Variants in STX8 observed in about 807,000 individuals in gnomAD.
The protein encoded by STX8 is syntaxin 8, also known as syntaxin-8.
A neutral mutation model predicts 37.5 loss-of-function variants in STX8; 23 were observed. The ratio of observed to expected loss-of-function variants is 0.61; its 90% CI spans 0.44 to 0.87. The LOEUF is 0.87. Among genes scored for constraint, STX8 ranks in the 40% least tolerant of loss-of-function variants. The probability of loss-of-function intolerance (pLI) is 0.00; values close to 1 mark genes in which losing one functional copy is unlikely to be tolerated. For missense variants in STX8, 313 were observed against 284.7 expected (o/e 1.10, Z -0.71); for synonymous variants, 115 against 99.1 (o/e 1.16, Z -0.95).
chr17:9,419,551 A>T (rs1436637164), intron 6 of STX8, among the ~76,000 whole-genome samples: 1 of 152,208 alleles, frequency 6.6e-6, no homozygotes, highest in Non-Finnish European at 1.5e-5. Flanking sequence ...AGCAAAAAGG[A>T]CAACAAATGG....
intron 6 of STX8, among the ~76,000 whole-genome samples, chr17:9,417,130 A>C (rs1481977210): frequency 1.3e-5 from 2 of 152,112 alleles, no homozygotes; most frequent in African/African-American, 4.8e-5. Context: ...TGAAAAACCA[A>C]GCTTTCTGGG....
At chr17:9,463,444 C>T (rs979397639) in intron 6 of STX8, among the ~76,000 whole-genome samples, 5 of 152,154 alleles carry the variant, frequency 3.3e-5, no homozygotes, top group African/African-American at 1.2e-4. Flanking sequence ...GTTCCTTCCT[C>T]CAAATCAAAA....
intron 2 of STX8, among the ~76,000 whole-genome samples, chr17:9,563,189 A>T (rs973474760): frequency 6.6e-6 from 1 of 150,884 alleles, no homozygotes; most frequent in Non-Finnish European, 1.5e-5. Context: ...TTATTTATTT[A>T]TTTATTTATT....
At chr17:9,413,277 C>A (rs1299713283) in intron 6 of STX8, among the ~76,000 whole-genome samples, 1 of 152,172 alleles carries the variant, frequency 6.6e-6, no homozygotes, top group Admixed American at 6.5e-5. Context: ...GGTCTTTTCA[C>A]TGGAGACAGA....
Position 9,396,848 on chromosome 17 carries a change from G to A in STX8, c.542-18195C>T, listed in dbSNP as rs569853380. 7.2e-5 allele frequency among the ~76,000 whole-genome samples: 11 copies of A among 152,222 alleles called. No individual in the cohort carries two copies. In the South Asian group the frequency reaches 2.3e-3, roughly 32 times the overall value. On this transcript the variant is annotated intron_variant, in intron 6 of 7. Coordinates refer to ENST00000306357, the MANE Select transcript of STX8 (RefSeq NM_004853.3). ...ACATTAAAAAAACAATCATTTAGAAGACTGGAGATTCCAGCAATAAATGCA... is the reference window on the plus strand; with the variant it reads ...ACATTAAAAAAACAATCATTTAGAAAACTGGAGATTCCAGCAATAAATGCA...
intron 6 of STX8, among the ~76,000 whole-genome samples, chr17:9,470,753 GTCTCACTCT>G (rs1414796504): frequency 1.3e-5 from 2 of 152,032 alleles, no homozygotes; most frequent in Admixed American, 6.6e-5. Context: ...TTGAGACAGA[GTCTCACTCT>G]GTCTCCCAGG....
intron 7 of STX8, among the ~76,000 whole-genome samples, chr17:9,310,100 C>A (rs1952049541): frequency 6.6e-6 from 1 of 151,940 alleles, no homozygotes; most frequent in African/African-American, 2.4e-5. Context: ...TGAATGTAAC[C>A]ATGAGCTGGA....
At chr17:9,368,101 G>C (rs1911287170) in intron 7 of STX8, among the ~76,000 whole-genome samples, 1 of 152,088 alleles carries the variant, frequency 6.6e-6, no homozygotes, top group African/African-American at 2.4e-5. Context: ...AGATGACTGG[G>C]AGTAATAAAA....
At chr17:9,420,244 GACTCAGA>G (rs1417074667) in intron 6 of STX8, among the ~76,000 whole-genome samples, 25 of 152,344 alleles carry the variant, frequency 1.6e-4, no homozygotes, top group South Asian at 4.1e-4. Context: ...GGCCGCCAGG[GACTCAGA>G]AATCCTTGCC....
intron 6 of STX8, among the ~76,000 whole-genome samples, chr17:9,410,007 T>C (rs561365598): frequency 1.3e-5 from 2 of 152,158 alleles, no homozygotes; most frequent in African/African-American, 4.8e-5. Context: ...TACGAAAGGA[T>C]TGGGGGTGGG....
chr17:9,522,435 C>T lies in STX8; in HGVS notation c.324-17273G>A, dbSNP rs542792174. Reference sequence around the variant, plus strand: ...CCTATCGGCCGGGCACGGTGGCTCACGCCTATAATCCCAGCACTTTGGGAG... The same window carrying T: ...CCTATCGGCCGGGCACGGTGGCTCATGCCTATAATCCCAGCACTTTGGGAG... On this transcript the variant is annotated intron_variant, in intron 4 of 7. Transcript: ENST00000306357. 2.7e-3 allele frequency among the ~76,000 whole-genome samples: 417 copies of T among 151,718 alleles called. 2 individuals carry two copies. Among genetic ancestry groups the T allele is most frequent in the African/African-American group, 9.5e-3 (391 of 41,280 alleles).
At chr17:9,266,050 T>C (rs9897485) in intron 7 of STX8, among the ~76,000 whole-genome samples, 51,277 of 151,850 alleles carry the variant, frequency 0.34, 9,191 homozygotes, top group East Asian at 0.57. Flanking sequence ...TTTGGAAACA[T>C]TGCGGGTAAG....
intron 7 of STX8, among the ~76,000 whole-genome samples, chr17:9,251,714 C>T (rs919094365): frequency 5.3e-5 from 8 of 152,224 alleles, no homozygotes; most frequent in Non-Finnish European, 1.2e-4. Context: ...CATTTGTGAA[C>T]ATAAGAGTCC....
chr17:9,333,056 TTTCAA>T (rs1402443243), intron 7 of STX8, among the ~76,000 whole-genome samples: 3 of 152,214 alleles, frequency 2.0e-5, no homozygotes, highest in Admixed American at 2.0e-4. Flanking sequence ...CGCTTCCAGC[TTTCAA>T]TTCTTTTTTA....
intron 6 of STX8, among the ~76,000 whole-genome samples, chr17:9,477,453 A>G (rs1386948488): frequency 6.6e-6 from 1 of 152,238 alleles, no homozygotes; most frequent in African/African-American, 2.4e-5. Context: ...AGTGCCATTC[A>G]AAGGATTAAA....
intron 7 of STX8, among the ~76,000 whole-genome samples, chr17:9,375,923 C>T (rs1911565125): frequency 6.6e-6 from 1 of 152,158 alleles, no homozygotes; most frequent in African/African-American, 2.4e-5. Flanking sequence ...TGAGGCCAGG[C>T]TCTAGAGCTC....
chr17:9,476,173 C>A (rs1017235801), intron 6 of STX8, among the ~76,000 whole-genome samples: 1 of 152,034 alleles, frequency 6.6e-6, no homozygotes, highest in East Asian at 1.9e-4. Context: ...AGCGAGACTC[C>A]GTCTCAGAAA....
At position 9,260,642 on chromosome 17, in the gene STX8, AC is replaced by A. The variant is rs1906980062; in HGVS notation, c.644-9998del. 7.2e-5 allele frequency among the ~76,000 whole-genome samples: 11 copies of A among 152,048 alleles called. No individual in the cohort carries two copies. The East Asian group carries it at 7.8e-4, about 11-fold the overall frequency. On this transcript the variant is annotated intron_variant, in intron 7 of 7. Coordinates refer to ENST00000306357, the MANE Select transcript of STX8 (RefSeq NM_004853.3). ...CCGTCTCAGAAAAACAAACAAACAA[AC>A]AAACAAACAAACAACTGTGGTCTTT...
At chr17:9,567,663 C>G (rs529844577) in intron 2 of STX8, among the ~76,000 whole-genome samples, 1 of 152,198 alleles carries the variant, frequency 6.6e-6, no homozygotes, top group Admixed American at 6.5e-5. Context: ...TGTTTTTATA[C>G]AGCCCAAAAC....
Sources: allele counts gnomAD v4.1 joint callset (sites outside exome capture counted in the v4.1 genomes callset), GRCh38; gene constraint gnomAD v4.1.1; transcripts MANE v1.5; gene names NCBI Gene and HGNC (gene_info 2026-07-23, HGNC 2026-07-21).